ADAMTS16: variants seen among roughly 807,000 people sequenced by gnomAD.
ADAMTS16 encodes A disintegrin and metalloproteinase with thrombospondin motifs 16.
A neutral mutation model predicts 145.8 loss-of-function variants in ADAMTS16; 94 were observed. The ratio of observed to expected loss-of-function variants is 0.64; its 90% CI spans 0.55 to 0.77. ADAMTS16 has a LOEUF of 0.77. ADAMTS16 is among the 30% of genes least tolerant of loss of function. The probability of loss-of-function intolerance (pLI) is 0.00; values close to 1 mark genes in which losing one functional copy is unlikely to be tolerated. For synonymous variants in ADAMTS16, 659 were observed against 604.3 expected (o/e 1.09, Z -1.33); for missense variants, 1,585 against 1,591.5 (o/e 1.00, Z 0.07).
chr5:5,186,212 T>C lies in ADAMTS16; in HGVS notation c.924T>C (p.His308=), dbSNP rs532425132. The change falls in exon 5 of 23, where the codon CAT becomes CAC. Residue 308 remains histidine (H), a synonymous_variant. Transcript: ENST00000274181. ...AAAAGATGATGCAAAACCATGGCCA[T>C]GAAAATATCACCACCTACGTGCTCA... ...VDKKMMQNHG[H]ENITTYVLTI... 3.7e-6 allele frequency: 6 copies of C among 1,613,890 alleles called. No homozygotes were observed. Among genetic ancestry groups the C allele is most frequent in the Non-Finnish European group, 5.1e-6 (6 of 1,180,000 alleles).
rs1738700595 is a variant in ADAMTS16 at position 5,276,463 on chromosome 5, A to G, written c.2789+13680A>G. On this transcript the variant is annotated intron_variant, in intron 18 of 22. Transcript: ENST00000274181. Reference sequence around the variant, plus strand: ...CTAGATATCCAGGATTACTCACACAAGATTATCTTAAAACTCTGAGGAATA... The same window carrying G: ...CTAGATATCCAGGATTACTCACACAGGATTATCTTAAAACTCTGAGGAATA... 2.0e-5 allele frequency among the ~76,000 whole-genome samples: 3 copies of G among 152,242 alleles called. No homozygotes were observed. In the South Asian group the frequency reaches 6.2e-4, roughly 31 times the overall value.
chr5:5,215,196 T>G (rs1034194742), intron 10 of ADAMTS16, among the ~76,000 whole-genome samples: 2 of 152,252 alleles, frequency 1.3e-5, no homozygotes, highest in Admixed American at 1.3e-4. Flanking sequence ...TACATACTTA[T>G]GTATAATATG....
intron 18 of ADAMTS16, among the ~76,000 whole-genome samples, chr5:5,282,128 A>AT (rs75021395): frequency 0.84 from 128,399 of 151,970 alleles, 54,712 homozygotes; most frequent in Non-Finnish European, 0.89. Flanking sequence ...TCCTTGATGC[A>AT]TAACTGTCAC....
intron 21 of ADAMTS16, among the ~76,000 whole-genome samples, chr5:5,311,771 C>T (rs1268998777): frequency 6.6e-6 from 1 of 151,098 alleles, no homozygotes; most frequent in Non-Finnish European, 1.5e-5. Flanking sequence ...CACTTTGTCA[C>T]CCAGGCCCAA....
At chr5:5,307,059 C>A (rs564851722) in intron 21 of ADAMTS16, among the ~76,000 whole-genome samples, 4 of 152,274 alleles carry the variant, frequency 2.6e-5, no homozygotes, top group African/African-American at 9.6e-5. Flanking sequence ...GGAATGCGAG[C>A]CCTGGGATAA....
intron 20 of ADAMTS16, among the ~76,000 whole-genome samples, chr5:5,305,083 CCCACACCACACACACACA>C: frequency 2.0e-5 from 1 of 49,082 alleles, no homozygotes; most frequent in African/African-American, 8.4e-5. Context: ...ACACACACAT[CCCACACCACACACACACA>C]CATCCCACAC....
chr5:5,158,878 A>G (rs1342852000), intron 3 of ADAMTS16, among the ~76,000 whole-genome samples: 1 of 152,196 alleles, frequency 6.6e-6, no homozygotes, highest in African/African-American at 2.4e-5. Flanking sequence ...TTTAATTACC[A>G]AACTTACTCC....
At chr5:5,307,124 T>A (rs1740204142) in intron 21 of ADAMTS16, among the ~76,000 whole-genome samples, 1 of 152,078 alleles carries the variant, frequency 6.6e-6, no homozygotes, top group Admixed American at 6.6e-5. Flanking sequence ...CCTGATCGGG[T>A]CGCTAGCAGC....
In ADAMTS16 at chr5:5,235,149, G is replaced by A; in HGVS notation, c.1986G>A (p.Gly662=). 2.5e-6 allele frequency: 4 copies of A among 1,589,330 alleles called. No homozygotes were observed. The highest frequency in any genetic ancestry group is 3.4e-6 in the Non-Finnish European group (4 of 1,160,108). The change falls in exon 13 of 23, where the codon GGG becomes GGA. Residue 662 remains glycine, a synonymous_variant. Coordinates refer to ENST00000274181, the MANE Select transcript of ADAMTS16 (RefSeq NM_139056.4). ...AGCACAACAGCAGACGATTCAGAGG[G>A]CGGCACTACAAGTGGAAGCCTTACA... ...CAEHNSRRFR[G]RHYKWKPYTQ...
chr5:5,202,716 G>C (rs1458401414), intron 9 of ADAMTS16, among the ~76,000 whole-genome samples: 1 of 151,920 alleles, frequency 6.6e-6, no homozygotes, highest in Non-Finnish European at 1.5e-5. Flanking sequence ...CATCTTAATC[G>C]TTATGAGGAA....
chr5:5,171,031 T>C (rs956703585), intron 3 of ADAMTS16, among the ~76,000 whole-genome samples: 2 of 152,236 alleles, frequency 1.3e-5, no homozygotes, highest in African/African-American at 4.8e-5. Context: ...TTTGTAGCTG[T>C]TATAAATGAA....
chr5:5,198,766 G>A (rs192324438), intron 8 of ADAMTS16, among the ~76,000 whole-genome samples: 9 of 152,266 alleles, frequency 5.9e-5, no homozygotes, highest in Admixed American at 2.0e-4. Flanking sequence ...TTCAGCCTAG[G>A]CAACAAGTAC....
chr5:5,213,863 G>T (rs549099204), intron 10 of ADAMTS16, among the ~76,000 whole-genome samples: 1 of 152,264 alleles, frequency 6.6e-6, no homozygotes, highest in South Asian at 2.1e-4. Context: ...CTCCTATGTG[G>T]CAGCTGCTCA....
At chr5:5,239,957 G>A (rs1737237330) in intron 16 of ADAMTS16, 32 bp downstream of exon 16, 1 of 1,609,288 alleles carries the variant, frequency 6.2e-7, no homozygotes, top group Admixed American at 1.7e-5. Context: ...TTGGGGCTTG[G>A]ATTTTGGGGG....
intron 4 of ADAMTS16, among the ~76,000 whole-genome samples, chr5:5,183,292 G>T (rs1052347315): frequency 1.3e-5 from 2 of 152,198 alleles, no homozygotes; most frequent in African/African-American, 4.8e-5. Flanking sequence ...AGGAGGCTGA[G>T]AGAGTTGGGA....
chr5:5,318,176 C>A lies in ADAMTS16; in HGVS notation c.3454C>A (p.Gln1152Lys). Residue 1152 changes from glutamine (Q) to lysine (K), a missense_variant, in exon 22 of 23, where the codon CAG becomes AAG. Around this residue, in one of 3 missense-constraint regions of ADAMTS16, gnomAD observed 834 missense variants for 811.7 expected, o/e 1.03. Transcript: ENST00000274181. ...CGGGVQTRSV[Q>K]CLAGGRPASG... is the part of the protein sequence containing the mutation. The stretch of plus-strand genomic sequence containing the variant: ...GGGAGGCGTTCAGACGAGGTCCGTG[C>A]AGTGCCTGGCTGGGGGCCGGCCGGC... 1 of 1,553,218 alleles carries A rather than the reference C, an allele frequency of 6.4e-7. No homozygotes were observed. The highest frequency in any genetic ancestry group is 8.7e-7 in the Non-Finnish European group (1 of 1,145,342).
At chr5:5,175,008 A>C (rs978358722) in intron 3 of ADAMTS16, among the ~76,000 whole-genome samples, 1 of 152,092 alleles carries the variant, frequency 6.6e-6, no homozygotes, top group Admixed American at 6.5e-5. Flanking sequence ...CCTAAGTTGC[A>C]AGGTACCTAA....
chr5:5,151,058 T>C (rs1301666050), intron 3 of ADAMTS16, among the ~76,000 whole-genome samples: 1 of 152,136 alleles, frequency 6.6e-6, no homozygotes, highest in Non-Finnish European at 1.5e-5. Context: ...GATTTTTTCC[T>C]GGCAGTTCAA....
At chr5:5,274,760 G>A (rs1424309965) in intron 18 of ADAMTS16, among the ~76,000 whole-genome samples, 1 of 151,096 alleles carries the variant, frequency 6.6e-6, no homozygotes, top group African/African-American at 2.4e-5. Context: ...ACACATATAT[G>A]TATATCATCC....
Sources: gnomAD v4.1 joint callset for allele counts (sites outside exome capture counted in the v4.1 genomes callset) on GRCh38, gnomAD v4.1.1 for gene constraint, gnomAD v4.1.1 regional missense constraint, MANE v1.5 for transcripts, NCBI Gene and HGNC (gene_info 2026-07-23, HGNC 2026-07-21) for gene names.